The following ACVR1 variants were observed in gnomAD, a reference collection of about 807,000 sequenced individuals.
ACVR1 encodes activin A receptor type 1, also known as activin receptor type-1.
ACVR1 carries 38 observed loss-of-function variants against 57.1 expected under a neutral mutation model. The ratio of observed to expected loss-of-function variants is 0.67; its 90% CI spans 0.51 to 0.87. ACVR1 has a LOEUF of 0.87. Ranked by LOEUF, ACVR1 falls within the 40% of genes least tolerant of loss-of-function variation. The pLI is 0.00. For synonymous variants in ACVR1, 212 were observed against 228.1 expected (o/e 0.93, Z 0.63); for missense variants, 463 against 638.2 (o/e 0.73, Z 2.96).
intron 2 of ACVR1, among the ~76,000 whole-genome samples, chr2:157,807,533 T>A (rs961932263): frequency 6.6e-6 from 1 of 152,036 alleles, no homozygotes; most frequent in East Asian, 1.9e-4. Context: ...GCTCACTCCC[T>A]ATCCCTTGTT....
Position 157,799,483 on chromosome 2 carries a change from C to T in ACVR1, c.11G>A (p.Gly4Glu), listed in dbSNP as rs1203606345. 5.6e-6 allele frequency: 9 copies of T among 1,610,922 alleles called. No individual in the cohort carries two copies. The highest frequency in any genetic ancestry group is 7.6e-6 in the Non-Finnish European group (9 of 1,177,648). Residue 4 changes from glycine to glutamate, a missense_variant, in exon 3 of 11, where the codon GGA becomes GAA. Around this residue, in one of 3 missense-constraint regions of ACVR1, gnomAD observed 203 missense variants for 235.5 expected, o/e 0.86. Transcript: ENST00000434821. MVD[G>E]VMILPVLIMI... is the part of the protein sequence containing the mutation. ...GATAAGCACAGGAAGAATCATCACT[C>T]CATCTACCATTGTACAACTGTAAAG...
intron 3 of ACVR1, among the ~76,000 whole-genome samples, chr2:157,793,850 G>A (rs545117573): frequency 2.0e-5 from 3 of 152,294 alleles, no homozygotes; most frequent in East Asian, 1.9e-4. Flanking sequence ...GTCCATTGAA[G>A]TTATCTCCTT....
chr2:157,820,174 T>A (rs904839141), intron 1 of ACVR1, among the ~76,000 whole-genome samples: 2 of 152,220 alleles, frequency 1.3e-5, no homozygotes, highest in African/African-American at 2.4e-5. Flanking sequence ...GAATAAGACA[T>A]GTAAAACTAT....
At chr2:157,803,583 T>C (rs894561664) in intron 2 of ACVR1, among the ~76,000 whole-genome samples, 3 of 152,210 alleles carry the variant, frequency 2.0e-5, no homozygotes, top group Non-Finnish European at 4.4e-5. Flanking sequence ...TTTTAAAATA[T>C]ACTAAAAAGA....
intron 1 of ACVR1, among the ~76,000 whole-genome samples, chr2:157,837,460 A>T (rs1229451312): frequency 6.6e-6 from 1 of 152,218 alleles, no homozygotes; most frequent in Non-Finnish European, 1.5e-5. Flanking sequence ...ATTTTCCATT[A>T]TCTTCTAAAA....
chr2:157,780,304 C>G (rs773371224), intron 4 of ACVR1, 33 bp downstream of exon 4: 4 of 1,613,816 alleles, frequency 2.5e-6, no homozygotes, highest in Admixed American at 1.7e-5. Context: ...TAACAAAACC[C>G]CTTGATCTAG....
At chr2:157,744,894 G>A (rs757378480) in intron 9 of ACVR1, among the ~76,000 whole-genome samples, 22 of 152,220 alleles carry the variant, frequency 1.4e-4, no homozygotes, top group Non-Finnish European at 2.8e-4. Flanking sequence ...AGTACCTCAG[G>A]CATTCCTGTA....
At chr2:157,841,230 A>G (rs187246769) in intron 1 of ACVR1, among the ~76,000 whole-genome samples, 19 of 152,200 alleles carry the variant, frequency 1.2e-4, no homozygotes, top group Admixed American at 6.5e-4. Context: ...AAAAAAAACT[A>G]TAGAATACAC....
At chr2:157,863,292 C>A (rs1441728651) in intron 1 of ACVR1, among the ~76,000 whole-genome samples, 2 of 131,798 alleles carry the variant, frequency 1.5e-5, no homozygotes, top group Admixed American at 1.7e-4. Flanking sequence ...GGATTACAGG[C>A]GTGAGCCACC....
intron 3 of ACVR1, chr2:157,790,020 A>T (rs1481131275): frequency 1.3e-5 from 2 of 152,318 alleles, no homozygotes; most frequent in African/African-American, 4.8e-5. Flanking sequence ...CTAACCACAG[A>T]AGCACCAAAT....
chr2:157,791,612 C>T (rs974430724), intron 3 of ACVR1, among the ~76,000 whole-genome samples: 29 of 152,192 alleles, frequency 1.9e-4, no homozygotes, highest in Admixed American at 1.6e-3. Context: ...TTGTTTCCAT[C>T]GTACCAGGTG....
At chr2:157,802,391 A>T (rs552513002) in intron 2 of ACVR1, among the ~76,000 whole-genome samples, 1 of 152,288 alleles carries the variant, frequency 6.6e-6, no homozygotes, top group African/African-American at 2.4e-5. Flanking sequence ...AGAGTCGGCG[A>T]ATACCCAAGA....
intron 9 of ACVR1, among the ~76,000 whole-genome samples, chr2:157,757,717 TATC>T (rs1012924837): frequency 1.3e-5 from 2 of 151,978 alleles, no homozygotes; most frequent in African/African-American, 4.8e-5. Context: ...TGAGGGAATT[TATC>T]ATCACTAGAC....
intron 1 of ACVR1, among the ~76,000 whole-genome samples, chr2:157,861,175 A>G: frequency 6.6e-6 from 1 of 152,306 alleles, no homozygotes; most frequent in East Asian, 1.9e-4. Flanking sequence ...TAGAGCTCTA[A>G]TGTGGCACTT....
chr2:157,819,335 C>CTGGG (rs1465554597), intron 1 of ACVR1: 1 of 151,930 alleles, frequency 6.6e-6, no homozygotes, highest in East Asian at 1.9e-4. Context: ...ACAAAATTAG[C>CTGGG]TGGGTATGGT....
At chr2:157,862,289 CTA>C (rs1289134973) in intron 1 of ACVR1, among the ~76,000 whole-genome samples, 1 of 152,018 alleles carries the variant, frequency 6.6e-6, no homozygotes, top group African/African-American at 2.4e-5. Flanking sequence ...AGGAATTATA[CTA>C]TGTTTTGAGT....
intron 1 of ACVR1, chr2:157,860,215 A>G (rs1008390524): frequency 6.6e-6 from 1 of 152,226 alleles, no homozygotes; most frequent in African/African-American, 2.4e-5. Flanking sequence ...TATATGTGGT[A>G]AACTGCCAGG....
intron 9 of ACVR1, among the ~76,000 whole-genome samples, chr2:157,746,051 C>T (rs1574010802): frequency 6.6e-6 from 1 of 152,096 alleles, no homozygotes; most frequent in African/African-American, 2.4e-5. Context: ...GATTCCATCA[C>T]AAAATAATCA....
intron 1 of ACVR1, among the ~76,000 whole-genome samples, chr2:157,841,752 G>T (rs749519120): frequency 1.3e-5 from 2 of 152,058 alleles, no homozygotes; most frequent in Non-Finnish European, 2.9e-5. Flanking sequence ...GGCAGGGCAC[G>T]GTGGCTAACA....
Sources: gnomAD v4.1 joint callset for allele counts (sites outside exome capture counted in the v4.1 genomes callset) on GRCh38, gnomAD v4.1.1 for gene constraint, gnomAD v4.1.1 regional missense constraint, MANE v1.5 for transcripts, NCBI Gene and HGNC (gene_info 2026-07-23, HGNC 2026-07-21) for gene names.